Variants in SESTD1 observed in about 807,000 individuals in gnomAD.
The protein encoded by SESTD1 is SEC14 and spectrin domain containing 1.
Under a neutral mutation model 101.7 loss-of-function variants are expected in SESTD1, and 43 were observed. The observed-to-expected ratio is 0.42, with a 90% CI of 0.33 to 0.55. The LOEUF is 0.55. SESTD1 is among the 20% of genes least tolerant of loss of function. SESTD1 has a pLI of 0.07. For synonymous variants in SESTD1, 283 were observed against 286.8 expected, an observed-to-expected ratio of 0.99 and a Z score of 0.13; for missense variants, 647 against 815.1, an observed-to-expected ratio of 0.79 and a Z score of 2.51.
chr2:179,224,923 G>A (rs1377193820), intron 1 of SESTD1, among the ~76,000 whole-genome samples: 1 of 152,170 alleles, frequency 6.6e-6, no homozygotes, highest in African/African-American at 2.4e-5. Context: ...ATGGGTAAAT[G>A]TACATGTTTC....
At chr2:179,160,997 T>C (rs2045725522) in intron 5 of SESTD1, among the ~76,000 whole-genome samples, 1 of 151,934 alleles carries the variant, frequency 6.6e-6, no homozygotes, top group African/African-American at 2.4e-5. Flanking sequence ...CACTGCACCT[T>C]GACTCTTCAG....
chr2:179,146,256 C>A, intron 8 of SESTD1, 146 bp downstream of exon 8: 1 of 701,960 alleles, frequency 1.4e-6, no homozygotes, highest in Non-Finnish European at 2.5e-6. Context: ...AACTGTCTTC[C>A]ACAAAACCAG....
At chr2:179,235,766 C>A (rs2047057038) in intron 1 of SESTD1, among the ~76,000 whole-genome samples, 2 of 152,194 alleles carry the variant, frequency 1.3e-5, no homozygotes, top group Admixed American at 1.3e-4. Flanking sequence ...AATTCTTTTA[C>A]AAGACTTAAG....
At chr2:179,182,082 C>T (rs2046123636) in intron 3 of SESTD1, among the ~76,000 whole-genome samples, 1 of 150,566 alleles carries the variant, frequency 6.6e-6, no homozygotes, top group Non-Finnish European at 1.5e-5. Flanking sequence ...TAACCCCATA[C>T]TCTGCAAGGT....
At chr2:179,175,329 T>C (rs1160471030) in intron 4 of SESTD1, among the ~76,000 whole-genome samples, 1 of 152,188 alleles carries the variant, frequency 6.6e-6, no homozygotes, top group African/African-American at 2.4e-5. Flanking sequence ...CCTAAATAAA[T>C]GATAAAACGT....
chr2:179,186,853 A>G (rs530652951), intron 2 of SESTD1, among the ~76,000 whole-genome samples: 19 of 151,696 alleles, frequency 1.3e-4, no homozygotes, highest in Admixed American at 1.0e-3. Context: ...TAGAGCATCA[A>G]AAATCTTAAA....
At chr2:179,180,307 T>G (rs904808924) in intron 3 of SESTD1, among the ~76,000 whole-genome samples, 2 of 152,180 alleles carry the variant, frequency 1.3e-5, no homozygotes, top group Admixed American at 6.6e-5. Flanking sequence ...ATTATTATAT[T>G]CAAAACGTTA....
rs906438599 is a variant in SESTD1 at position 179,211,847 on chromosome 2, G to A, written c.-25-19981C>T. On this transcript the variant is annotated intron_variant, in intron 1 of 17. Coordinates refer to ENST00000428443, the MANE Select transcript of SESTD1 (RefSeq NM_178123.5). The stretch of plus-strand genomic sequence containing the variant: ...AGGAGAATGATATAATGGACTCTGG[G>A]GACTCAGGGGGAAGGGTGGGAGGGG... Among the ~76,000 whole-genome samples, 4 of 131,412 alleles carry A rather than the reference G, an allele frequency of 3.0e-5. 1 individual carries two copies. Among genetic ancestry groups the A allele is most frequent in the African/African-American group, 1.2e-4 (4 of 32,742 alleles). 86.2% of individuals were successfully genotyped at this position (131,412 alleles called of 152,430 possible).
chr2:179,152,257 T>TA (rs1033132449), intron 5 of SESTD1, among the ~76,000 whole-genome samples: 32 of 152,290 alleles, frequency 2.1e-4, no homozygotes, highest in African/African-American at 7.0e-4. Context: ...CTGGAACTCC[T>TA]AAGAAAGCTG....
intron 1 of SESTD1, among the ~76,000 whole-genome samples, chr2:179,234,359 C>T (rs1050076255): frequency 1.3e-5 from 2 of 152,064 alleles, no homozygotes; most frequent in Non-Finnish European, 2.9e-5. Context: ...ACATGAGTGC[C>T]CAGATCTTGA....
intron 2 of SESTD1, among the ~76,000 whole-genome samples, chr2:179,186,580 A>G (rs1405484594): frequency 6.6e-6 from 1 of 152,170 alleles, no homozygotes; most frequent in South Asian, 2.1e-4. Flanking sequence ...AATTATTATT[A>G]CATTTTCATA....
In SESTD1 at chr2:179,235,368, G is replaced by A. The variant is rs76525616; in HGVS notation, c.-26+29131C>T. On this transcript the variant is annotated intron_variant, in intron 1 of 17. Coordinates refer to ENST00000428443, the MANE Select transcript of SESTD1 (RefSeq NM_178123.5). ...TAAAAAGTTAATATTAGGAGAATGT[G>A]GAGTGAAACCTATACAGTAATTCTT... 1.0e-2 allele frequency among the ~76,000 whole-genome samples: 1,519 copies of A among 152,174 alleles called. 23 individuals are homozygous for A. Among genetic ancestry groups the A allele is most frequent in the African/African-American group, 0.035 (1,436 of 41,512 alleles).
intron 16 of SESTD1, 76 bp from the exon 17 acceptor site, chr2:179,112,921 C>G: frequency 7.1e-7 from 1 of 1,403,330 alleles, no homozygotes; most frequent in Non-Finnish European, 9.4e-7. Context: ...CCCCACCCCA[C>G]AAAAAAAAAG....
chr2:179,169,923 G>A lies in SESTD1; in HGVS notation c.369+2197C>T, dbSNP rs182726420. Among the ~76,000 whole-genome samples the A allele has an allele frequency of 2.3e-3, 351 of 149,686 alleles. 2 individuals are homozygous for A. Among genetic ancestry groups the A allele is most frequent in the African/African-American group, 7.6e-3 (308 of 40,598 alleles). On this transcript the variant is annotated intron_variant, in intron 5 of 17. Transcript: ENST00000428443. ...TGGGAGGCGGAGGTTGCAGTGAGCC[G>A]AGGTTGCACCACTGCACTCCAGCCT...
At chr2:179,225,873 T>A (rs1417640573) in intron 1 of SESTD1, among the ~76,000 whole-genome samples, 1 of 152,102 alleles carries the variant, frequency 6.6e-6, no homozygotes, top group African/African-American at 2.4e-5. Flanking sequence ...GCAACCACAG[T>A]TGGAACTAAG....
chr2:179,236,767 T>TA (rs2047074878), intron 1 of SESTD1, among the ~76,000 whole-genome samples: 2 of 136,140 alleles, frequency 1.5e-5, no homozygotes, highest in Admixed American at 1.4e-4. Context: ...TTTTTTTTTT[T>TA]AATTTTTATT....
At chr2:179,111,544 T>G (rs1298291457) in intron 17 of SESTD1, among the ~76,000 whole-genome samples, 3 of 152,208 alleles carry the variant, frequency 2.0e-5, no homozygotes, top group African/African-American at 4.8e-5. Flanking sequence ...AGCTGAGACC[T>G]CTGGCTCCAG....
At chr2:179,140,983 T>C (rs550325839) in intron 9 of SESTD1, among the ~76,000 whole-genome samples, 1 of 152,322 alleles carries the variant, frequency 6.6e-6, no homozygotes, top group South Asian at 2.1e-4. Flanking sequence ...TGTCAGAGTT[T>C]CTCAAAGTTC....
At chr2:179,130,724 C>T (rs906078065) in intron 10 of SESTD1, among the ~76,000 whole-genome samples, 9 of 151,858 alleles carry the variant, frequency 5.9e-5, no homozygotes, top group Non-Finnish European at 1.2e-4. Context: ...TAACTAAATC[C>T]CCTTAGGTGA....
Sources: allele counts gnomAD v4.1 joint callset (sites outside exome capture counted in the v4.1 genomes callset), GRCh38; gene constraint gnomAD v4.1.1; transcripts MANE v1.5; gene names NCBI Gene and HGNC (gene_info 2026-07-23, HGNC 2026-07-21).